The following SASH1 variants were observed in gnomAD, a reference collection of about 807,000 sequenced individuals.
SASH1 encodes SAM and SH3 domain-containing protein 1.
In SASH1, 44 loss-of-function variants were observed where a neutral mutation model predicts 125.2. The observed-to-expected ratio is 0.35, with a 90% CI of 0.28 to 0.45. SASH1 has a LOEUF of 0.45. Among genes scored for constraint, SASH1 ranks in the 20% least tolerant of loss-of-function variants. The pLI is 1.00. For missense variants in SASH1, 1,426 were observed against 1,614.5 expected (o/e 0.88, Z 2.00); for synonymous variants, 639 against 649.1 (o/e 0.98, Z 0.24).
intron 8 of SASH1, chr6:148,513,515 GA>G: frequency 9.1e-6 from 9 of 985,480 alleles, no homozygotes; most frequent in Non-Finnish European, 1.1e-5. Flanking sequence ...ACAAGGGAAG[GA>G]TTGTTTTTAG....
the SASH1 span, among the ~76,000 whole-genome samples, chr6:148,215,727 C>T: frequency 1.1e-4 from 16 of 152,256 alleles, no homozygotes; most frequent in East Asian, 2.7e-3. Flanking sequence ...CATCCCCAGA[C>T]GTCAGGGTCA....
chr6:148,278,143 G>A (rs1483326119), intron 1 of SASH1, among the ~76,000 whole-genome samples: 7 of 152,132 alleles, frequency 4.6e-5, no homozygotes, highest in Admixed American at 4.6e-4. Flanking sequence ...GGGTTCAAGC[G>A]ATTCTCCTGC....
the SASH1 span, among the ~76,000 whole-genome samples, chr6:148,232,756 C>T: frequency 1.3e-5 from 2 of 152,124 alleles, no homozygotes; most frequent in African/African-American, 4.8e-5. Context: ...TGTGCATCAC[C>T]TAAAACTTGC....
intron 4 of SASH1, among the ~76,000 whole-genome samples, chr6:148,449,542 C>T (rs889714361): frequency 5.9e-5 from 9 of 152,076 alleles, no homozygotes; most frequent in Non-Finnish European, 1.3e-4. Flanking sequence ...CATGCACCAC[C>T]ATGCCCGGCT....
At chr6:148,198,324 T>G in the SASH1 span, among the ~76,000 whole-genome samples, 1 of 152,210 alleles carries the variant, frequency 6.6e-6, no homozygotes, top group Admixed American at 6.5e-5. Context: ...GATCCAGTCT[T>G]GAATATTTCT....
intron 2 of SASH1, among the ~76,000 whole-genome samples, chr6:148,431,671 C>T (rs968157258): frequency 6.6e-6 from 1 of 151,558 alleles, no homozygotes; most frequent in Admixed American, 6.6e-5. Flanking sequence ...GTGTTGACTG[C>T]TGGAGCTCAT....
the SASH1 span, among the ~76,000 whole-genome samples, chr6:148,264,921 A>G: frequency 2.0e-5 from 3 of 152,230 alleles, no homozygotes; most frequent in East Asian, 1.9e-4. Flanking sequence ...ATGCTTCATG[A>G]AAGTAGGGGC....
intron 13 of SASH1, 72 bp downstream of exon 13, chr6:148,531,733 A>C (rs1375560668): frequency 3.1e-6 from 4 of 1,270,990 alleles, no homozygotes; most frequent in Non-Finnish European, 4.1e-6. Context: ...CACTAGGTTC[A>C]GGCAATTTCA....
At chr6:148,286,608 G>A (rs534433441) in intron 1 of SASH1, among the ~76,000 whole-genome samples, 12 of 152,226 alleles carry the variant, frequency 7.9e-5, no homozygotes, top group South Asian at 4.2e-4. Context: ...CTTGAGGCTC[G>A]CTGTCTTCTT....
chr6:148,351,415 T>G (rs1361856734), intron 1 of SASH1, among the ~76,000 whole-genome samples: 1 of 152,066 alleles, frequency 6.6e-6, no homozygotes, highest in African/African-American at 2.4e-5. Context: ...TCATGGTTGA[T>G]TTTGATGTTT....
At chr6:148,387,328 C>T (rs924307656) in intron 1 of SASH1, among the ~76,000 whole-genome samples, 13 of 151,776 alleles carry the variant, frequency 8.6e-5, no homozygotes, top group Non-Finnish European at 8.8e-5. Flanking sequence ...CCATGTTGGT[C>T]AGGCTGGTCT....
chr6:148,393,787 T>C (rs905694918), intron 2 of SASH1: 24 of 920,614 alleles, frequency 2.6e-5, no homozygotes, highest in Non-Finnish European at 2.9e-5. Context: ...GTAAAATTGA[T>C]GGGAGCTGAT....
At position 148,354,475 on chromosome 6, in the gene SASH1, GTTTTT is replaced by G. The variant is rs71814339; in HGVS notation, c.156+11256_156+11260del. Among the ~76,000 whole-genome samples, 296 of 151,522 alleles carry G rather than the reference GTTTTT, an allele frequency of 2.0e-3. 4 individuals carry two copies. In the East Asian group the frequency reaches 0.046, roughly 23 times the overall value. ...GTTTTTATAATCCTGATTTTTTTGTGTTTTTTTTGTTTTGTTTTGTAGACTCTTTT... is the reference window on the plus strand; with the variant it reads ...GTTTTTATAATCCTGATTTTTTTGTGTTTGTTTTGTTTTGTAGACTCTTTT... On this transcript the variant is annotated intron_variant, in intron 1 of 19. Transcript: ENST00000367467.
the SASH1 span, among the ~76,000 whole-genome samples, chr6:148,266,712 C>T: frequency 6.6e-6 from 1 of 152,128 alleles, no homozygotes; most frequent in East Asian, 1.9e-4. Context: ...GTGATCCTCC[C>T]ACCTCAGCTT....
the SASH1 span, among the ~76,000 whole-genome samples, chr6:148,206,201 G>A: frequency 6.6e-6 from 1 of 151,666 alleles, no homozygotes; most frequent in African/African-American, 2.4e-5. Context: ...ACTAAGCCTA[G>A]AAACATGCCA....
In SASH1 at chr6:148,342,981, G is replaced by C. The variant is rs1582989879; in HGVS notation, c.-87G>C. The C allele has an allele frequency of 9.8e-7, 1 of 1,021,794 alleles. No individual in the cohort carries two copies. Among genetic ancestry groups the C allele is most frequent in the African/African-American group, 1.7e-5 (1 of 57,718 alleles). 63.3% of individuals were successfully genotyped at this position (1,021,794 alleles called of 1,614,324 possible). A position where few individuals can be genotyped will look rare whatever the true frequency, so the allele number is the denominator to read the frequency against. On this transcript the variant is annotated 5_prime_UTR_variant, in exon 1 of 20. Transcript: ENST00000367467. Reference sequence around the variant, plus strand: ...GCGGCTCGGTGACGCCGCGGGCGGGGACCCGGCATCCGGGCAGGCTGCGCG... The same window carrying C: ...GCGGCTCGGTGACGCCGCGGGCGGGCACCCGGCATCCGGGCAGGCTGCGCG...
At chr6:148,245,457 A>G in the SASH1 span, among the ~76,000 whole-genome samples, 16 of 152,320 alleles carry the variant, frequency 1.1e-4, no homozygotes, top group South Asian at 3.1e-3. Context: ...TCAATCTAAC[A>G]CAAGTGATTA....
At chr6:148,361,914 C>CTTTTTT (rs745596285) in intron 1 of SASH1, among the ~76,000 whole-genome samples, 72 of 125,452 alleles carry the variant, frequency 5.7e-4, no homozygotes, top group South Asian at 1.1e-3. Context: ...TTTTCTTTTT[C>CTTTTTT]TTTTTTTTTT....
upstream of SASH1, among the ~76,000 whole-genome samples, chr6:148,269,413 G>GCACAC (rs1176194942): frequency 6.6e-6 from 1 of 152,036 alleles, no homozygotes; most frequent in East Asian, 1.9e-4. Context: ...AAGACCACAG[G>GCACAC]CACACACCAT....
Sources: gnomAD v4.1 joint callset for allele counts (sites outside exome capture counted in the v4.1 genomes callset) on GRCh38, gnomAD v4.1.1 for gene constraint, MANE v1.5 for transcripts, NCBI Gene and HGNC (gene_info 2026-07-23, HGNC 2026-07-21) for gene names.